Variants in CADPS2 observed in about 807,000 individuals in gnomAD.
The protein encoded by CADPS2 is calcium-dependent secretion activator 2.
A neutral mutation model predicts 172.5 loss-of-function variants in CADPS2; 93 were observed. The observed-to-expected ratio is 0.54, with a 90% CI of 0.46 to 0.64. The LOEUF is 0.64. Among genes scored for constraint, CADPS2 ranks in the 30% least tolerant of loss-of-function variants. The pLI, the probability that CADPS2 is intolerant of heterozygous loss-of-function variation, is 0.00. For synonymous variants in CADPS2, 546 were observed against 555.2 expected, an observed-to-expected ratio of 0.98 and a Z score of 0.23; for missense variants, 1,420 against 1,565.9, an observed-to-expected ratio of 0.91 and a Z score of 1.57.
intron 1 of CADPS2, among the ~76,000 whole-genome samples, chr7:122,857,339 A>G (rs1246999910): frequency 2.0e-5 from 3 of 152,228 alleles, no homozygotes; most frequent in South Asian, 2.1e-4. Flanking sequence ...TCAGAAAAAC[A>G]TATGACAGGT....
At chr7:122,776,160 G>A (rs1231485473) in intron 1 of CADPS2, among the ~76,000 whole-genome samples, 2 of 152,060 alleles carry the variant, frequency 1.3e-5, no homozygotes, top group Admixed American at 6.6e-5. Flanking sequence ...GTCATGAGAG[G>A]GACCTGGAGC....
intron 2 of CADPS2, among the ~76,000 whole-genome samples, chr7:122,685,023 G>A (rs2083466307): frequency 6.6e-6 from 1 of 152,164 alleles, no homozygotes; most frequent in Non-Finnish European, 1.5e-5. Flanking sequence ...TTGTTGAATA[G>A]ATTTTATAGT....
intron 8 of CADPS2, among the ~76,000 whole-genome samples, chr7:122,552,070 G>A (rs2064372263): frequency 6.6e-6 from 1 of 152,132 alleles, no homozygotes; most frequent in African/African-American, 2.4e-5. Context: ...CAGAACAGAT[G>A]CTTAGGTTAA....
At chr7:122,600,386 C>CAT (rs1285376208) in intron 6 of CADPS2, among the ~76,000 whole-genome samples, 2 of 152,032 alleles carry the variant, frequency 1.3e-5, no homozygotes, top group Admixed American at 1.3e-4. Context: ...ATGAAACAGT[C>CAT]ATAGATATGC....
chr7:122,374,674 G>A (rs2042143577), intron 25 of CADPS2, among the ~76,000 whole-genome samples: 2 of 151,972 alleles, frequency 1.3e-5, no homozygotes, highest in Admixed American at 6.6e-5. Flanking sequence ...GGAGTTGAAC[G>A]AGAAAACATG....
intron 27 of CADPS2, among the ~76,000 whole-genome samples, chr7:122,346,624 T>G (rs966636773): frequency 3.9e-5 from 6 of 152,222 alleles, no homozygotes; most frequent in African/African-American, 1.4e-4. Flanking sequence ...TTTAGAAATG[T>G]GGCAAGAGTA....
intron 14 of CADPS2, among the ~76,000 whole-genome samples, chr7:122,462,431 T>C (rs1009414801): frequency 4.6e-5 from 7 of 152,126 alleles, no homozygotes; most frequent in African/African-American, 1.4e-4. Flanking sequence ...ATAAAAAGTT[T>C]ATAGAACATG....
intron 1 of CADPS2, among the ~76,000 whole-genome samples, chr7:122,871,246 T>C (rs1008043356): frequency 6.6e-6 from 1 of 151,942 alleles, no homozygotes; most frequent in African/African-American, 2.4e-5. Flanking sequence ...TCCAGCATTT[T>C]CACATGTTGA....
At chr7:122,399,503 T>C (rs1391004334) in intron 20 of CADPS2, among the ~76,000 whole-genome samples, 1 of 152,016 alleles carries the variant, frequency 6.6e-6, no homozygotes, top group South Asian at 2.1e-4. Flanking sequence ...TAAATGAAAT[T>C]ATGTAATATT....
At position 122,345,574 on chromosome 7, in the gene CADPS2, A is replaced by G; in HGVS notation, c.3612T>C (p.Asp1204=). The G allele has an allele frequency of 6.3e-7, 1 of 1,579,372 alleles. No homozygotes were observed. The highest frequency in any genetic ancestry group is 1.1e-5 in the South Asian group (1 of 89,340). ...NEEMYIEKLF[D]QWYSSSMKVI... Reference sequence around the variant, plus strand: ...ATACCTTGCAAGGGAAGCTACTTACATCAAATAACTTTTCTATATACATTT... The same window carrying G: ...ATACCTTGCAAGGGAAGCTACTTACGTCAAATAACTTTTCTATATACATTT... Residue 1204 remains aspartate (D), a splice_region_variant and synonymous_variant, in exon 28 of 30, where the codon GAT becomes GAC. Transcript: ENST00000449022.
At chr7:122,420,692 C>A (rs990918005) in intron 17 of CADPS2, among the ~76,000 whole-genome samples, 13 of 152,232 alleles carry the variant, frequency 8.5e-5, no homozygotes, top group African/African-American at 3.1e-4. Context: ...TCAAGCTTCA[C>A]ACCAAATTGC....
intron 25 of CADPS2, among the ~76,000 whole-genome samples, chr7:122,367,858 G>A (rs899000028): frequency 2.6e-5 from 4 of 151,746 alleles, no homozygotes; most frequent in African/African-American, 9.7e-5. Context: ...GGCTCTAGGG[G>A]AGAATTTGTT....
intron 1 of CADPS2, among the ~76,000 whole-genome samples, chr7:122,749,961 TAAA>T (rs34910927): frequency 1.1e-4 from 15 of 133,886 alleles, no homozygotes; most frequent in African/African-American, 1.1e-4. Flanking sequence ...CCTGTGAGGT[TAAA>T]AAAAAAAAAA....
At chr7:122,324,017 C>T (rs1366638463) in intron 29 of CADPS2, among the ~76,000 whole-genome samples, 2 of 151,036 alleles carry the variant, frequency 1.3e-5, no homozygotes, top group Admixed American at 1.3e-4. Context: ...CAATGGAGAA[C>T]TAAGCCAATT....
chr7:122,663,363 C>G lies in CADPS2; in HGVS notation c.660G>C (p.Gln220His), dbSNP rs1405038150. The G allele has an allele frequency of 6.8e-6, 11 of 1,613,964 alleles. No individual in the cohort carries two copies. The highest frequency in any genetic ancestry group is 9.3e-6 in the Non-Finnish European group (11 of 1,179,888). Residue 220 changes from glutamine (Q) to histidine (H), a missense_variant, in exon 3 of 30, where the codon CAG becomes CAC. By Grantham distance (24) the Gln-to-His change is conservative. Transcript: ENST00000449022. ...CTGCACTTAGGGCCATTCTATTTGG[C>G]TGTTTGCACAAGTCCTCTTCACCTC... is the stretch of plus-strand genomic sequence containing the variant. ...IYRGEEDLCKQPNRMALSAVS... is the reference protein window; with the variant it reads ...IYRGEEDLCKHPNRMALSAVS...
At chr7:122,754,545 C>T (rs1051181195) in intron 1 of CADPS2, among the ~76,000 whole-genome samples, 5 of 152,106 alleles carry the variant, frequency 3.3e-5, no homozygotes, top group Non-Finnish European at 5.9e-5. Context: ...AGCACAATCT[C>T]GGCTCACTGC....
rs138805058 is a variant in CADPS2, at chr7:122,540,408, A to C, written c.1475+14142T>G. Among the ~76,000 whole-genome samples, 564 of 152,220 alleles carry C rather than the reference A, an allele frequency of 3.7e-3. 6 individuals are homozygous for C. The highest frequency in any genetic ancestry group is 0.013 in the African/African-American group (533 of 41,566). On this transcript the variant is annotated intron_variant, in intron 8 of 29. Coordinates refer to ENST00000449022, the MANE Select transcript of CADPS2 (RefSeq NM_017954.11). ...AAATTAAATGGTATCAAATTAAAGA[A>C]ACATTTAAAGTTTTATGATTGTTAA...
At chr7:122,559,582 C>A (rs1290864778) in intron 7 of CADPS2, among the ~76,000 whole-genome samples, 1 of 151,784 alleles carries the variant, frequency 6.6e-6, no homozygotes, top group Non-Finnish European at 1.5e-5. Flanking sequence ...CCAGCCTGAC[C>A]AACATAGTGA....
At chr7:122,574,584 T>A (rs2067738209) in intron 7 of CADPS2, among the ~76,000 whole-genome samples, 1 of 150,726 alleles carries the variant, frequency 6.6e-6, no homozygotes. Context: ...GAGTACAAGT[T>A]GAGCCTCTAA....
Sources: gnomAD v4.1 joint callset for allele counts (sites outside exome capture counted in the v4.1 genomes callset) on GRCh38, gnomAD v4.1.1 for gene constraint, MANE v1.5 for transcripts, NCBI Gene and HGNC (gene_info 2026-07-23, HGNC 2026-07-21) for gene names.